The following OPRL1 variants were observed in gnomAD, a reference collection of about 807,000 sequenced individuals.
The protein encoded by OPRL1 is opioid related nociceptin receptor 1.
Under a neutral mutation model 15.5 loss-of-function variants are expected in OPRL1, and 5 were observed. The ratio of observed to expected loss-of-function variants is 0.32; its 90% CI spans 0.17 to 0.68. OPRL1 has a LOEUF of 0.68. Among genes scored for constraint, OPRL1 ranks in the 30% least tolerant of loss-of-function variants. The pLI, the probability that OPRL1 is intolerant of heterozygous loss-of-function variation, is 0.72. For missense variants in OPRL1, 406 were observed against 515.3 expected (o/e 0.79, Z 2.05); for synonymous variants, 223 against 230.2 (o/e 0.97, Z 0.28).
Position 64,083,596 on chromosome 20 carries a change from A to G in OPRL1, c.-185+3244A>G, listed in dbSNP as rs1162642813. The G allele has an allele frequency of 2.0e-6, 3 of 1,492,164 alleles. No individual in the cohort carries two copies. Among genetic ancestry groups the G allele is most frequent in the East Asian group, 2.6e-5 (1 of 38,266 alleles). The allele number at this position is 1,492,164 out of a possible 1,614,324, so 92.4% of individuals were successfully genotyped here. On this transcript the variant is annotated intron_variant, in intron 1 of 4. Transcript: ENST00000336866. The surrounding 1 kb of genome is among the most constrained non-coding windows in gnomAD (Gnocchi z 4.9). ...GCTTGTCTGCACCTCTTGGCGGTCCAGGGGGTCCGGGATCCGCGCGGGCTT... is the reference window on the plus strand; with the variant it reads ...GCTTGTCTGCACCTCTTGGCGGTCCGGGGGGTCCGGGATCCGCGCGGGCTT...
chr20:64,081,320 G>A (rs1380200434), intron 1 of OPRL1, among the ~76,000 whole-genome samples: 1 of 152,234 alleles, frequency 6.6e-6, no homozygotes, highest in African/African-American at 2.4e-5. Flanking sequence ...CTCCTGAGCG[G>A]TGGGCACAGG....
intron 3 of OPRL1, among the ~76,000 whole-genome samples, chr20:64,094,796 CG>C (rs576329784): frequency 9.4e-4 from 1 of 1,066 alleles, no homozygotes; most frequent in African/African-American, 7.4e-3. Context: ...AGAGGAATAG[CG>C]GGGGGATAGT....
chr20:64,084,397 C>T (rs2060019135), intron 1 of OPRL1: 1 of 1,272,366 alleles, frequency 7.9e-7, no homozygotes, highest in African/African-American at 1.6e-5. Flanking sequence ...CTCTCCCTCT[C>T]CCAAGCGCAC....
chr20:64,083,708 G>C lies in OPRL1; in HGVS notation c.-185+3356G>C. The C allele has an allele frequency of 7.2e-7, 1 of 1,381,414 alleles. No homozygotes were observed. The highest frequency in any genetic ancestry group is 9.3e-7 in the Non-Finnish European group (1 of 1,076,718). 85.6% of individuals were successfully genotyped at this position (1,381,414 alleles called of 1,614,324 possible). A position where few individuals can be genotyped will look rare whatever the true frequency, so the allele number is the denominator to read the frequency against. ...ATGAGCAGCGCGATCTCCTCGGCCT[G>C]CGGGGCCCGGGTAGCTGAGCGCGCG... On this transcript the variant is annotated intron_variant, in intron 1 of 4. Coordinates refer to ENST00000336866, the MANE Select transcript of OPRL1 (RefSeq NM_182647.4). This position sits in a 1 kb window ranked among gnomAD's most constrained non-coding sequence, Gnocchi z 4.9.
At chr20:64,080,883 T>C (rs2059959792) in intron 1 of OPRL1, among the ~76,000 whole-genome samples, 1 of 152,196 alleles carries the variant, frequency 6.6e-6, no homozygotes, top group South Asian at 2.1e-4. Flanking sequence ...GTGCACACCT[T>C]ACACCTTCAC....
intron 2 of OPRL1, 52 bp from the exon 3 acceptor site, chr20:64,092,636 C>A: frequency 6.9e-7 from 1 of 1,440,116 alleles, no homozygotes. Context: ...GTGAGGCCTC[C>A]GCTGGGCGTG....
chr20:64,088,704 G>GCCAGGATCTGTGAAGAGTGGCCAGGA (rs2060083662), intron 1 of OPRL1, among the ~76,000 whole-genome samples: 2 of 25,490 alleles, frequency 7.8e-5, no homozygotes, highest in Admixed American at 4.0e-4. Context: ...GGAGGCCAGG[G>GCCAGGATCTGTGAAGAGTGGCCAGGA]TCTGTGCAGA....
At position 64,097,930 on chromosome 20, in the gene OPRL1, C is replaced by G; in HGVS notation, c.362C>G (p.Ala121Gly). 1 of 1,613,724 alleles carries G rather than the reference C, an allele frequency of 6.2e-7. No individual in the cohort carries two copies. The change falls in exon 4 of 5, where the codon GCG (alanine) becomes GGG (glycine). Residue 121 changes from alanine (A) to glycine (G), a missense_variant. Coordinates refer to ENST00000336866, the MANE Select transcript of OPRL1 (RefSeq NM_182647.4). This position sits in a 1 kb window ranked among gnomAD's most constrained non-coding sequence, Gnocchi z 4.2. ...CTGGGCTTCTGGCCGTTTGGGAATG[C>G]GCTGTGCAAGACAGTCATTGCCATT... The part of the protein sequence containing the change: ...ILLGFWPFGN[A>G]LCKTVIAIDY...
At chr20:64,093,154 G>A (rs1448454117) in intron 3 of OPRL1, among the ~76,000 whole-genome samples, 1 of 151,120 alleles carries the variant, frequency 6.6e-6, no homozygotes, top group Non-Finnish European at 1.5e-5. Flanking sequence ...AGGGGAGGGG[G>A]CTGGCCCTGG....
Position 64,083,970 on chromosome 20 carries a change from C to A in OPRL1, c.-185+3618C>A. 6.8e-7 allele frequency: 1 copy of A among 1,467,842 alleles called. No homozygotes were observed. Among genetic ancestry groups the A allele is most frequent in the Non-Finnish European group, 9.0e-7 (1 of 1,117,254 alleles). 90.9% of individuals were successfully genotyped at this position (1,467,842 alleles called of 1,614,324 possible). A position where few individuals can be genotyped will look rare whatever the true frequency, so the allele number is the denominator to read the frequency against. Reference sequence around the variant, plus strand: ...TCGGGCATGCGGTACCCCGGTTCCACCGACCCGCACGGGAAGGTGGAGGCC... The same window carrying A: ...TCGGGCATGCGGTACCCCGGTTCCAACGACCCGCACGGGAAGGTGGAGGCC... On this transcript the variant is annotated intron_variant, in intron 1 of 4. Transcript: ENST00000336866. The surrounding 1 kb of genome is among the most constrained non-coding windows in gnomAD (Gnocchi z 4.9).
rs1055883351 is a variant in OPRL1, at chr20:64,090,149, G to A, written c.-184-1817G>A. ...GCGTCATCTTGCATGTGTGTGGCCC[G>A]TGTGTTTGTGCATCCCTGTGAGTGT... On this transcript the variant is annotated intron_variant, in intron 1 of 4. Transcript: ENST00000336866. The surrounding 1 kb of genome is among the most constrained non-coding windows in gnomAD (Gnocchi z 4.9). Among the ~76,000 whole-genome samples, 11 of 152,210 alleles carry A rather than the reference G, an allele frequency of 7.2e-5. No individual in the cohort carries two copies. The highest frequency in any genetic ancestry group is 2.0e-4 in the Admixed American group (3 of 15,282).
intron 1 of OPRL1, among the ~76,000 whole-genome samples, chr20:64,082,634 G>A (rs900513401): frequency 1.3e-5 from 2 of 152,196 alleles, no homozygotes; most frequent in Non-Finnish European, 2.9e-5. Flanking sequence ...AAGGAAGCGG[G>A]GGCCTAGGGA....
At chr20:64,095,254 G>A (rs1257658764) in intron 3 of OPRL1, among the ~76,000 whole-genome samples, 2 of 67,352 alleles carry the variant, frequency 3.0e-5, no homozygotes, top group Admixed American at 1.4e-4. Flanking sequence ...GGATAGCATC[G>A]GGGGGATAGT....
rs1368341068 is a variant in OPRL1 at position 64,083,544 on chromosome 20, C to T, written c.-185+3192C>T. 1 of 1,541,900 alleles carries T rather than the reference C, an allele frequency of 6.5e-7. No individual in the cohort carries two copies. On this transcript the variant is annotated intron_variant, in intron 1 of 4. Coordinates refer to ENST00000336866, the MANE Select transcript of OPRL1 (RefSeq NM_182647.4). This position sits in a 1 kb window ranked among gnomAD's most constrained non-coding sequence, Gnocchi z 4.9. ...CGGCGTGTGCGGAGGCGGGCAGGGC[C>T]CCTCCCCTTTCCCCGCCCCTACCGG... is the stretch of plus-strand genomic sequence containing the variant.
Position 64,100,164 on chromosome 20 carries a change from C to T in OPRL1, c.*1365C>T, listed in dbSNP as rs1004261809. 1.2e-4 allele frequency: 18 copies of T among 152,192 alleles called. No homozygotes were observed. The highest frequency in any genetic ancestry group is 1.5e-5 in the Non-Finnish European group (1 of 68,050). 9.4% of individuals were successfully genotyped at this position (152,192 alleles called of 1,614,324 possible). A position where few individuals can be genotyped will look rare whatever the true frequency, so the allele number is the denominator to read the frequency against. The stretch of plus-strand genomic sequence containing the variant: ...GCCCCGCTGTGGTCACCCAGAGAAT[C>T]ACCCTTCCTGGTCTACAGATGGAAG... On this transcript the variant is annotated 3_prime_UTR_variant, in exon 5 of 5. Coordinates refer to ENST00000336866, the MANE Select transcript of OPRL1 (RefSeq NM_182647.4).
Position 64,089,537 on chromosome 20 carries a change from C to T in OPRL1, c.-184-2429C>T, listed in dbSNP as rs576600128. 8.5e-5 allele frequency among the ~76,000 whole-genome samples: 13 copies of T among 152,270 alleles called. No homozygotes were observed. The South Asian group carries it at 2.5e-3, about 29-fold the overall frequency. ...CCATCCTTCCTTACCCATCCTCTCT[C>T]TTGATCTCTCCATACTTCCTCCCCA... On this transcript the variant is annotated intron_variant, in intron 1 of 4. Coordinates refer to ENST00000336866, the MANE Select transcript of OPRL1 (RefSeq NM_182647.4). The surrounding 1 kb of genome is among the most constrained non-coding windows in gnomAD (Gnocchi z 5.5).
rs1172736333 is a variant in OPRL1 at position 64,089,017 on chromosome 20, G to A, written c.-184-2949G>A. Reference sequence around the variant, plus strand: ...GGACAGGTTGTGTGCAGGCAGGTGCGCAGGGTCAATGCAGGGGGCAAGGTC... The same window carrying A: ...GGACAGGTTGTGTGCAGGCAGGTGCACAGGGTCAATGCAGGGGGCAAGGTC... On this transcript the variant is annotated intron_variant, in intron 1 of 4. Coordinates refer to ENST00000336866, the MANE Select transcript of OPRL1 (RefSeq NM_182647.4). The surrounding 1 kb of genome is among the most constrained non-coding windows in gnomAD (Gnocchi z 5.5). Among the ~76,000 whole-genome samples the A allele has an allele frequency of 6.9e-6, 1 of 145,156 alleles. No individual in the cohort carries two copies. The highest frequency in any genetic ancestry group is 2.0e-4 in the East Asian group (1 of 4,910).
At chr20:64,092,995 G>T in intron 3 of OPRL1, 42 bp downstream of exon 3, 4 of 1,547,524 alleles carry the variant, frequency 2.6e-6, no homozygotes, top group Non-Finnish European at 2.7e-6. Context: ...AGTCCCACAC[G>T]GCTGCAGAGG....
At chr20:64,088,383 TGG>T (rs2060073554) in intron 1 of OPRL1, among the ~76,000 whole-genome samples, 1 of 147,818 alleles carries the variant, frequency 6.8e-6, no homozygotes, top group African/African-American at 2.5e-5. Flanking sequence ...ATCTTTGCAG[TGG>T]GGCCAGGATC....
Sources: allele counts gnomAD v4.1 joint callset (sites outside exome capture counted in the v4.1 genomes callset), GRCh38; gene constraint gnomAD v4.1.1; non-coding constraint Gnocchi (gnomAD v3.1); transcripts MANE v1.5; gene names NCBI Gene and HGNC (gene_info 2026-07-23, HGNC 2026-07-21).